CSMD3: variants seen among roughly 807,000 people sequenced by gnomAD.
CSMD3 encodes the protein CUB and Sushi multiple domains 3, also known as CUB and sushi domain-containing protein 3.
CSMD3 carries 177 observed loss-of-function variants against 435.2 expected under a neutral mutation model. The observed-to-expected ratio is 0.41, with a 90% CI of 0.36 to 0.46. CSMD3 has a LOEUF of 0.46. CSMD3 is among the 20% of genes least tolerant of loss of function. CSMD3 has a pLI of 0.34. For missense variants in CSMD3, 4,265 were observed against 4,504.6 expected (o/e 0.95, Z 1.52); for synonymous variants, 1,656 against 1,520.5 (o/e 1.09, Z -2.07).
At chr8:113,139,605 T>C (rs1588141288) in intron 4 of CSMD3, among the ~76,000 whole-genome samples, 2 of 151,202 alleles carry the variant, frequency 1.3e-5, no homozygotes, top group East Asian at 3.9e-4. Context: ...AAATGCAGTA[T>C]ATAAATTTAA....
chr8:112,391,078 C>T, intron 35 of CSMD3, among the ~76,000 whole-genome samples: 1 of 152,138 alleles, frequency 6.6e-6, no homozygotes, highest in Middle Eastern at 3.2e-3. Context: ...CACGCATTGA[C>T]TAAATTTGCC....
At chr8:113,113,321 G>T (rs2090721101) in intron 4 of CSMD3, among the ~76,000 whole-genome samples, 1 of 152,142 alleles carries the variant, frequency 6.6e-6, no homozygotes, top group Non-Finnish European at 1.5e-5. Flanking sequence ...TGCAATTGCT[G>T]AAATTTGCAA....
At chr8:112,758,104 C>G (rs2077744834) in intron 13 of CSMD3, among the ~76,000 whole-genome samples, 1 of 151,982 alleles carries the variant, frequency 6.6e-6, no homozygotes, top group Non-Finnish European at 1.5e-5. Context: ...CCTGTAATCC[C>G]AGCACTTTGG....
At chr8:113,300,667 A>G (rs934301900) in intron 2 of CSMD3, among the ~76,000 whole-genome samples, 1 of 152,076 alleles carries the variant, frequency 6.6e-6, no homozygotes, top group African/African-American at 2.4e-5. Flanking sequence ...GATGGGAACA[A>G]TAGATACTGG....
At chr8:113,075,331 T>A (rs2089294149) in intron 5 of CSMD3, among the ~76,000 whole-genome samples, 2 of 151,850 alleles carry the variant, frequency 1.3e-5, no homozygotes, top group Admixed American at 1.3e-4. Context: ...AATCATTTAT[T>A]TGGGGGGAAA....
At chr8:112,936,601 T>A (rs2130739924) in intron 9 of CSMD3, among the ~76,000 whole-genome samples, 1 of 152,238 alleles carries the variant, frequency 6.6e-6, no homozygotes, top group Non-Finnish European at 1.5e-5. Flanking sequence ...TATAACTTTT[T>A]TTCAAAAACA....
chr8:113,090,757 T>G (rs915672950), intron 5 of CSMD3, among the ~76,000 whole-genome samples: 4 of 152,132 alleles, frequency 2.6e-5, no homozygotes, highest in African/African-American at 9.7e-5. Flanking sequence ...TTATGCAAGC[T>G]TATAATTGTT....
At chr8:113,106,845 T>C (rs1325627743) in intron 4 of CSMD3, among the ~76,000 whole-genome samples, 6 of 149,870 alleles carry the variant, frequency 4.0e-5, no homozygotes, top group Non-Finnish European at 8.8e-5. Context: ...TTCTCTTTCT[T>C]TTTTTTTCTG....
At chr8:113,295,146 A>G (rs2093711196) in intron 2 of CSMD3, among the ~76,000 whole-genome samples, 1 of 152,110 alleles carries the variant, frequency 6.6e-6, no homozygotes, top group Non-Finnish European at 1.5e-5. Flanking sequence ...GACATTCATC[A>G]CCCCAAGCAT....
In CSMD3 at chr8:112,258,777, C is replaced by T. The variant is rs556796635; in HGVS notation, c.9863-3350G>A. Among the ~76,000 whole-genome samples, 8 of 152,236 alleles carry T rather than the reference C, an allele frequency of 5.3e-5. No individual in the cohort carries two copies. The South Asian group carries it at 1.5e-3, about 28-fold the overall frequency. On this transcript the variant is annotated intron_variant, in intron 61 of 70. Coordinates refer to ENST00000297405, the MANE Select transcript of CSMD3 (RefSeq NM_198123.2). Reference sequence around the variant, plus strand: ...TTTGATGGCCTGGCACAGTGGCTCACGCCTGTAATCCCAGCACTTTGGGAG... The same window carrying T: ...TTTGATGGCCTGGCACAGTGGCTCATGCCTGTAATCCCAGCACTTTGGGAG...
chr8:113,120,717 A>G (rs2090962087), intron 4 of CSMD3, among the ~76,000 whole-genome samples: 1 of 152,130 alleles, frequency 6.6e-6, no homozygotes, highest in Non-Finnish European at 1.5e-5. Flanking sequence ...TTCCTCTGAA[A>G]TCTTGCCACT....
intron 36 of CSMD3, among the ~76,000 whole-genome samples, chr8:112,386,609 T>C (rs1365070122): frequency 6.6e-6 from 1 of 152,100 alleles, no homozygotes; most frequent in Non-Finnish European, 1.5e-5. Context: ...GTCATTCTCC[T>C]GCCTCAGCCT....
At chr8:113,312,836 A>C (rs2093879948) in intron 2 of CSMD3, 1 of 152,184 alleles carries the variant, frequency 6.6e-6, no homozygotes, top group Non-Finnish European at 1.5e-5. Flanking sequence ...ATATTTATAA[A>C]ATAGATGATT....
At chr8:113,052,163 T>A (rs1004693006) in intron 5 of CSMD3, among the ~76,000 whole-genome samples, 3 of 152,184 alleles carry the variant, frequency 2.0e-5, no homozygotes, top group Admixed American at 6.5e-5. Context: ...GGTTTTTAAG[T>A]ATTGGCTTTT....
At chr8:112,856,985 G>C (rs370946758) in intron 11 of CSMD3, among the ~76,000 whole-genome samples, 1 of 151,534 alleles carries the variant, frequency 6.6e-6, no homozygotes, top group South Asian at 2.1e-4. Context: ...TAATTTAGTG[G>C]GACATAATCA....
At position 112,881,127 on chromosome 8, in the gene CSMD3, AAC is replaced by A. The variant is rs2081435743; in HGVS notation, c.1634-21863_1634-21862del. On this transcript the variant is annotated intron_variant, in intron 10 of 70. Coordinates refer to ENST00000297405, the MANE Select transcript of CSMD3 (RefSeq NM_198123.2). ...CTATGAGAATAATCACACAGTTGTG[AAC>A]CAGGCCCTCCTTCATGCACCTCACG... 2.0e-5 allele frequency among the ~76,000 whole-genome samples: 3 copies of A among 152,164 alleles called. No individual in the cohort carries two copies. In the South Asian group the frequency reaches 6.2e-4, roughly 32 times the overall value.
intron 1 of CSMD3, among the ~76,000 whole-genome samples, chr8:113,325,287 T>C (rs780030086): frequency 3.9e-5 from 6 of 152,096 alleles, no homozygotes; most frequent in Non-Finnish European, 7.4e-5. Flanking sequence ...CCAAATCTCA[T>C]CTTGAATTCC....
At chr8:113,256,185 T>C (rs2093379344) in intron 3 of CSMD3, among the ~76,000 whole-genome samples, 1 of 152,150 alleles carries the variant, frequency 6.6e-6, no homozygotes, top group Admixed American at 6.5e-5. Flanking sequence ...GAAATTAATC[T>C]CTGGTTGTGT....
chr8:112,265,521 T>C lies in CSMD3; in HGVS notation c.9578A>G (p.Gln3193Arg), dbSNP rs1226014102. The C allele has an allele frequency of 6.2e-7, 1 of 1,613,632 alleles. No individual in the cohort carries two copies. The highest frequency in any genetic ancestry group is 1.1e-5 in the South Asian group (1 of 91,080). ...LRYGDDYVVG[Q>R]NVSYMCQPGY... The stretch of plus-strand genomic sequence containing the variant: ...TGGCTGGCACATGTAAGAAACATTT[T>C]GTCCAACCACATAATCATCTCCATA... Residue 3193 changes from glutamine to arginine, a missense_variant, in exon 60 of 71, where the codon CAA (glutamine) becomes CGA (arginine). This residue lies in a region of CSMD3 where 3,255 missense variants were observed against 3,380.2 expected (regional missense o/e 0.96). Transcript: ENST00000297405.
Sources: allele counts gnomAD v4.1 joint callset (sites outside exome capture counted in the v4.1 genomes callset), GRCh38; gene constraint gnomAD v4.1.1; regional missense constraint gnomAD v4.1.1; transcripts MANE v1.5; gene names NCBI Gene and HGNC (gene_info 2026-07-23, HGNC 2026-07-21).